Variants in CEP63 observed in about 807,000 individuals in gnomAD.
The protein encoded by CEP63 is centrosomal protein of 63 kDa.
In CEP63, 84 loss-of-function variants were observed where a neutral mutation model predicts 89.1. The observed-to-expected ratio is 0.94, with a 90% CI of 0.79 to 1.13. CEP63 has a LOEUF of 1.13. CEP63 is among the 50% of genes most tolerant of loss of function. CEP63 has a pLI of 0.00. For missense variants in CEP63, 838 were observed against 813.3 expected, an observed-to-expected ratio of 1.03 and a Z score of -0.37; for synonymous variants, 267 against 272.5, an observed-to-expected ratio of 0.98 and a Z score of 0.20.
chr3:134,557,254 A>G (rs1560041431), intron 12 of CEP63, among the ~76,000 whole-genome samples: 1 of 151,928 alleles, frequency 6.6e-6, no homozygotes, highest in Non-Finnish European at 1.5e-5. Flanking sequence ...TTGTTGAAAG[A>G]TTTTGTAGCT....
At position 134,581,022 on chromosome 3, in the gene CEP63, CTCCACTGGCCATTGGT is replaced by C. The variant is rs1560078994; in HGVS notation, c.1207-6435_1207-6420del. 5.0e-4 allele frequency among the ~76,000 whole-genome samples: 13 copies of C among 26,012 alleles called. No individual in the cohort carries two copies. The South Asian group carries it at 0.016, about 31-fold the overall frequency. The allele number at this position is 26,012 out of a possible 152,430, so 17.1% of individuals were successfully genotyped here. On this transcript the variant is annotated intron_variant, in intron 10 of 10. Coordinates refer to the CEP63 transcript ENST00000683931. ...TCAGAGTGATGTGGTATGAGAAGGA[CTCCACTGGCCATTGGT>C]GGTTATGAAGATGGATGGGGGCCAT...
At chr3:134,673,936 C>T in the CEP63 span, among the ~76,000 whole-genome samples, 2 of 152,180 alleles carry the variant, frequency 1.3e-5, no homozygotes, top group Non-Finnish European at 2.9e-5. Flanking sequence ...TGGGGGCCCA[C>T]CATCTCTTAC....
chr3:134,655,877 GT>G, the CEP63 span, among the ~76,000 whole-genome samples: 1 of 152,218 alleles, frequency 6.6e-6, no homozygotes, highest in South Asian at 2.1e-4. Context: ...GGCATCAGTT[GT>G]TTTGGGTGGA....
chr3:134,610,315 C>T, the CEP63 span: 1 of 1,613,916 alleles, frequency 6.2e-7, no homozygotes, highest in Non-Finnish European at 8.5e-7. Context: ...CCCCGAGAAG[C>T]TCTGCCCTGT....
At chr3:134,741,525 C>T in the CEP63 span, among the ~76,000 whole-genome samples, 8 of 152,166 alleles carry the variant, frequency 5.3e-5, no homozygotes, top group African/African-American at 1.4e-4. Context: ...CTTGAGTCCT[C>T]GCTCTGATCC....
chr3:134,773,001 C>T, the CEP63 span, among the ~76,000 whole-genome samples: 127,952 of 152,174 alleles, frequency 0.84, 53,891 homozygotes, highest in East Asian at 0.92. Context: ...CTACAAATTC[C>T]GAAGCATGGG....
chr3:134,555,822 C>T (rs1956036133), intron 12 of CEP63, among the ~76,000 whole-genome samples: 2 of 152,090 alleles, frequency 1.3e-5, no homozygotes, highest in South Asian at 4.1e-4. Flanking sequence ...CCAAGTCAAT[C>T]CTAAGCAAAA....
the CEP63 span, chr3:134,603,833 C>T: frequency 6.2e-7 from 1 of 1,613,990 alleles, no homozygotes; most frequent in African/African-American, 1.3e-5. Context: ...AGCTCATTGT[C>T]CTGTCCCCAG....
At chr3:134,673,201 C>T in the CEP63 span, among the ~76,000 whole-genome samples, 3 of 152,294 alleles carry the variant, frequency 2.0e-5, no homozygotes, top group African/African-American at 4.8e-5. Context: ...TCAAGAACCT[C>T]GTCCCAGAAC....
chr3:134,609,836 A>G, the CEP63 span, among the ~76,000 whole-genome samples: 9 of 152,334 alleles, frequency 5.9e-5, no homozygotes, highest in Middle Eastern at 3.4e-3. Flanking sequence ...GTGCCTGGTA[A>G]TGTGGTCAAT....
chr3:134,537,635 T>G (rs1229735370), intron 6 of CEP63, among the ~76,000 whole-genome samples: 1 of 152,156 alleles, frequency 6.6e-6, no homozygotes, highest in East Asian at 1.9e-4. Context: ...CGCCCTCTCT[T>G]CCTCCCCTCT....
At chr3:134,704,096 G>A in the CEP63 span, among the ~76,000 whole-genome samples, 2 of 152,144 alleles carry the variant, frequency 1.3e-5, no homozygotes, top group African/African-American at 2.4e-5. Context: ...TTTCCCAACC[G>A]CTGCATATTC....
downstream of CEP63, among the ~76,000 whole-genome samples, chr3:134,566,604 T>G (rs1055921002): frequency 6.6e-6 from 1 of 152,186 alleles, no homozygotes; most frequent in South Asian, 2.1e-4. Context: ...AAAAAGACAA[T>G]TCAGTTCAAA....
At chr3:134,709,004 T>C in the CEP63 span, among the ~76,000 whole-genome samples, 97 of 152,166 alleles carry the variant, frequency 6.4e-4, no homozygotes, top group African/African-American at 2.3e-3. Flanking sequence ...TTCATAGGGG[T>C]TGTCACTTGG....
the CEP63 span, chr3:134,624,962 T>G: frequency 9.1e-7 from 1 of 1,103,548 alleles, no homozygotes; most frequent in East Asian, 2.6e-5. Flanking sequence ...ACTCAGGATA[T>G]GTTCAGGAGG....
chr3:134,581,280 C>T (rs936239710), intron 10 of CEP63, among the ~76,000 whole-genome samples: 1 of 151,976 alleles, frequency 6.6e-6, no homozygotes, highest in Non-Finnish European at 1.5e-5. Flanking sequence ...ACCACATTAA[C>T]GAAATAAAAA....
At chr3:134,712,374 G>T in the CEP63 span, among the ~76,000 whole-genome samples, 1 of 129,342 alleles carries the variant, frequency 7.7e-6, no homozygotes, top group Non-Finnish European at 1.8e-5. Context: ...TTTCTTAGGG[G>T]ACCCCCTTAG....
chr3:134,625,239 A>C, the CEP63 span: 1 of 854,512 alleles, frequency 1.2e-6, no homozygotes, highest in East Asian at 2.7e-5. Context: ...TCCAACCTTT[A>C]ACACAATTCT....
downstream of CEP63, among the ~76,000 whole-genome samples, chr3:134,568,309 G>C (rs1406605196): frequency 6.6e-6 from 1 of 152,138 alleles, no homozygotes; most frequent in Non-Finnish European, 1.5e-5. Flanking sequence ...CTGCGACCTA[G>C]GACATGTGTT....
Sources: allele counts gnomAD v4.1 joint callset (sites outside exome capture counted in the v4.1 genomes callset), GRCh38; gene constraint gnomAD v4.1.1; transcripts MANE v1.5; gene names NCBI Gene and HGNC (gene_info 2026-07-23, HGNC 2026-07-21).